ALKBH2: variants seen among roughly 807,000 people sequenced by gnomAD.
ALKBH2 encodes alkB homolog 2, alpha-ketoglutarate dependent dioxygenase, also known as DNA oxidative demethylase ALKBH2.
Under a neutral mutation model 19.7 loss-of-function variants are expected in ALKBH2, and 19 were observed. That is an observed-to-expected ratio of 0.97 (90% confidence interval 0.67 to 1.42). The LOEUF (loss-of-function observed/expected upper bound fraction) is 1.42. ALKBH2 is among the 40% of genes most tolerant of loss of function. The probability of loss-of-function intolerance (pLI) is 0.00; values close to 1 mark genes in which losing one functional copy is unlikely to be tolerated. For missense variants in ALKBH2, 310 were observed against 328.5 expected, an observed-to-expected ratio of 0.94 and a Z score of 0.43; for synonymous variants, 135 against 131.2, an observed-to-expected ratio of 1.03 and a Z score of -0.20.
At chr12:109,092,107 T>G (rs2042069568) in intron 2 of ALKBH2, 1 of 160,338 alleles carries the variant, frequency 6.2e-6, no homozygotes, top group South Asian at 2.0e-4. Flanking sequence ...TCTCAAACCC[T>G]GACTGCCCAT....
chr12:109,090,246 C>T (rs770393762), intron 2 of ALKBH2, 39 bp from the exon 3 acceptor site: 10 of 1,594,856 alleles, frequency 6.3e-6, no homozygotes, highest in Middle Eastern at 3.8e-4. Flanking sequence ...TCTACCTGAC[C>T]CCCATCTAGA....
rs1220916875 is a variant in ALKBH2 at position 109,088,377 on chromosome 12, T to C, written c.615A>G (p.Lys205=). The change falls in exon 4 of 4, where the codon AAA becomes AAG. Residue 205 remains lysine, a synonymous_variant. Transcript: ENST00000429722. This position sits in a 1 kb window ranked among gnomAD's most constrained non-coding sequence, Gnocchi z 4.2. ...CCACCGCCACCCTCCTGGAGGGGCT[T>C]TTCCCACGGGAATCCTTATGCCGGA... is the stretch of plus-strand genomic sequence containing the variant. ...FVFRHKDSRG[K]SPSRRVAVVR... 4 of 1,613,764 alleles carry C rather than the reference T, an allele frequency of 2.5e-6. No individual in the cohort carries two copies. Among genetic ancestry groups the C allele is most frequent in the Admixed American group, 1.7e-5 (1 of 59,962 alleles).
In ALKBH2 at chr12:109,092,936, T is replaced by C. The variant is rs1219546617; in HGVS notation, c.-150A>G. ...TTTCATTTTAAAGTTTAAAACCATG[T>C]CCTAGAAAGGAAACAGAAGATGTTA... On this transcript the variant is annotated splice_region_variant and 5_prime_UTR_variant, in exon 2 of 4. Transcript: ENST00000429722. The C allele has an allele frequency of 3.5e-6, 5 of 1,444,680 alleles. No individual in the cohort carries two copies. In the Admixed American group the frequency reaches 8.6e-5, roughly 25 times the overall value. The allele number at this position is 1,444,680 out of a possible 1,614,324, so 89.5% of individuals were successfully genotyped here.
At position 109,088,396 on chromosome 12, in the gene ALKBH2, T is replaced by C. The variant is rs150621218; in HGVS notation, c.596A>G (p.His199Arg). ...GGGGCTTTTCCCACGGGAATCCTTA[T>C]GCCGGAAGACAAAGTCTCTGCAGGC... ...FGACRDFVFR[H>R]KDSRGKSPSR... is the part of the protein sequence containing the mutation. Residue 199 changes from histidine to arginine, a missense_variant, in exon 4 of 4, where the codon CAT (histidine) becomes CGT (arginine). His to Arg is a conservative substitution (Grantham distance 29). Coordinates refer to ENST00000429722, the MANE Select transcript of ALKBH2 (RefSeq NM_001145374.2). This position sits in a 1 kb window ranked among gnomAD's most constrained non-coding sequence, Gnocchi z 4.2. 81 of 1,613,642 alleles carry C rather than the reference T, an allele frequency of 5.0e-5. No homozygotes were observed. Among genetic ancestry groups the C allele is most frequent in the Non-Finnish European group, 6.2e-5 (73 of 1,179,978 alleles).
intron 3 of ALKBH2, 60 bp downstream of exon 3, chr12:109,089,949 C>T (rs780175182): frequency 3.8e-5 from 61 of 1,588,046 alleles, no homozygotes; most frequent in Non-Finnish European, 4.8e-5. Context: ...GAACCCTAAA[C>T]ACTTCCTTTT....
Position 109,089,993 on chromosome 12 carries a change from C to T in ALKBH2, c.479+16G>A. 6.2e-7 allele frequency: 1 copy of T among 1,613,446 alleles called. No homozygotes were observed. Among genetic ancestry groups the T allele is most frequent in the Non-Finnish European group, 8.5e-7 (1 of 1,179,402 alleles). ...CAGAAGACTTGTAACATTGAGTCCACTAAACAGGGTGTCACCTGTTGATGA... is the reference window on the plus strand; with the variant it reads ...CAGAAGACTTGTAACATTGAGTCCATTAAACAGGGTGTCACCTGTTGATGA... On this transcript the variant is annotated intron_variant, in intron 3 of 3. Coordinates refer to ENST00000429722, the MANE Select transcript of ALKBH2 (RefSeq NM_001145374.2).
At chr12:109,091,761 G>A (rs1392282885) in intron 2 of ALKBH2, among the ~76,000 whole-genome samples, 2 of 152,190 alleles carry the variant, frequency 1.3e-5, no homozygotes, top group African/African-American at 4.8e-5. Context: ...TATTGGCCAA[G>A]CTGGTCTCGA....
At chr12:109,090,786 C>G (rs1593312633) in intron 2 of ALKBH2, among the ~76,000 whole-genome samples, 1 of 152,184 alleles carries the variant, frequency 6.6e-6, no homozygotes, top group African/African-American at 2.4e-5. Flanking sequence ...AGTGGTCCGC[C>G]CACCTCAGTC....
chr12:109,092,804 G>T lies in ALKBH2; in HGVS notation c.-18C>A, dbSNP rs1566116795. On this transcript the variant is annotated 5_prime_UTR_variant, in exon 2 of 4. Transcript: ENST00000429722. ...CTGTCCATCCTGTCCCCACAGGAAA[G>T]AAGGGACGTCAGTGGCGAGGCCAAG... is the stretch of plus-strand genomic sequence containing the variant. 1.3e-6 allele frequency: 2 copies of T among 1,594,342 alleles called. No homozygotes were observed. Among genetic ancestry groups the T allele is most frequent in the African/African-American group, 2.7e-5 (2 of 74,106 alleles).
At position 109,088,612 on chromosome 12, in the gene ALKBH2, T is replaced by A; in HGVS notation, c.480-100A>T. 8.8e-7 allele frequency: 1 copy of A among 1,134,562 alleles called. No homozygotes were observed. The highest frequency in any genetic ancestry group is 1.6e-5 in the South Asian group (1 of 63,258). 70.3% of individuals were successfully genotyped at this position (1,134,562 alleles called of 1,614,324 possible). On this transcript the variant is annotated intron_variant, in intron 3 of 3. Transcript: ENST00000429722. The surrounding 1 kb of genome is among the most constrained non-coding windows in gnomAD (Gnocchi z 4.2). ...TTCCTCACAGTGTGAAACAGCACTC[T>A]GCATGGCTGTACCTGCCGTTGTTTC...
In ALKBH2 at chr12:109,090,154, G is replaced by A; in HGVS notation, c.334C>T (p.Gln112Ter). 6.2e-7 allele frequency: 1 copy of A among 1,614,000 alleles called. No individual in the cohort carries two copies. Among genetic ancestry groups the A allele is most frequent in the South Asian group, 1.1e-5 (1 of 91,078 alleles). Residue 112 changes from glutamine (Q) to a stop codon, truncating the protein, a stop_gained, in exon 3 of 4, where the codon CAG (glutamine) becomes TAG (stop). Transcript: ENST00000429722. LOFTEE classifies it high-confidence loss of function. ...FGKWHSVPRK[Q>*]ATYGDAGLTY... ...AGCCCAGCGTCGCCATACGTTGCCT[G>A]CTTCCTGGGCACACTGTGCCACTTC...
chr12:109,092,493 A>ACACACC lies in ALKBH2; in HGVS notation c.280+13_280+14insGGTGTG. On this transcript the variant is annotated intron_variant, in intron 2 of 3. Coordinates refer to ENST00000429722, the MANE Select transcript of ALKBH2 (RefSeq NM_001145374.2). Reference sequence around the variant, plus strand: ...TCAATGCACACACACACACACACACACCCCTCTGCTTACCTGTAAAATATT... The same window carrying ACACACC: ...TCAATGCACACACACACACACACACACACACCCCCCTCTGCTTACCTGTAAAATATT... The ACACACC allele has an allele frequency of 6.5e-7, 1 of 1,547,738 alleles. No individual in the cohort carries two copies. The highest frequency in any genetic ancestry group is 8.7e-7 in the Non-Finnish European group (1 of 1,146,470).
rs779823217 is a variant in ALKBH2 at position 109,090,076 on chromosome 12, G to A, written c.412C>T (p.Leu138=). 1 of 1,614,208 alleles carries A rather than the reference G, an allele frequency of 6.2e-7. No individual in the cohort carries two copies. The highest frequency in any genetic ancestry group is 1.7e-5 in the Admixed American group (1 of 60,022). The change falls in exon 3 of 4, where the codon CTA becomes TTA. Residue 138 remains leucine, a synonymous_variant. Coordinates refer to ENST00000429722, the MANE Select transcript of ALKBH2 (RefSeq NM_001145374.2). ...TLSPKPWIPV[L]ERIRDHVSGV... ...GAGACGTGATCCCGGATGCGCTCTAGAACTGGGATCCAGGGCTTTGGAGAC... is the reference window on the plus strand; with the variant it reads ...GAGACGTGATCCCGGATGCGCTCTAAAACTGGGATCCAGGGCTTTGGAGAC...
rs2135855655 is a variant in ALKBH2 at position 109,088,404 on chromosome 12, G to A, written c.588C>T (p.Val196=). The change falls in exon 4 of 4, where the codon GTC becomes GTT. Residue 196 remains valine (V), a synonymous_variant. Coordinates refer to ENST00000429722, the MANE Select transcript of ALKBH2 (RefSeq NM_001145374.2). The surrounding 1 kb of genome is among the most constrained non-coding windows in gnomAD (Gnocchi z 4.2). The part of the protein sequence containing the change: ...SVSFGACRDF[V]FRHKDSRGKS... ...TCCCACGGGAATCCTTATGCCGGAAGACAAAGTCTCTGCAGGCACCGAAGG... is the reference window on the plus strand; with the variant it reads ...TCCCACGGGAATCCTTATGCCGGAAAACAAAGTCTCTGCAGGCACCGAAGG... 2 of 1,613,862 alleles carry A rather than the reference G, an allele frequency of 1.2e-6. No individual in the cohort carries two copies. Among genetic ancestry groups the A allele is most frequent in the East Asian group, 2.2e-5 (1 of 44,878 alleles).
At position 109,090,181 on chromosome 12, in the gene ALKBH2, C is replaced by T. The variant is rs750748555; in HGVS notation, c.307G>A (p.Gly103Arg). ...TTCCTGGGCACACTGTGCCACTTCCCGAATACCTGGACTCTGGCCAGTGCT... is the reference window on the plus strand; with the variant it reads ...TTCCTGGGCACACTGTGCCACTTCCTGAATACCTGGACTCTGGCCAGTGCT... Reference protein sequence around the residue: ...TGALARVQVFGKWHSVPRKQA... With the variant: ...TGALARVQVFRKWHSVPRKQA... The change falls in exon 3 of 4, where the codon GGG becomes AGG. Residue 103 changes from glycine to arginine, a missense_variant. By Grantham distance (125) the Gly-to-Arg change is moderately radical. Transcript: ENST00000429722. 6 of 1,613,820 alleles carry T rather than the reference C, an allele frequency of 3.7e-6. No homozygotes were observed. Among genetic ancestry groups the T allele is most frequent in the African/African-American group, 2.7e-5 (2 of 74,904 alleles).
chr12:109,091,964 A>G (rs951602580), intron 2 of ALKBH2, among the ~76,000 whole-genome samples: 2 of 152,152 alleles, frequency 1.3e-5, no homozygotes, highest in African/African-American at 4.8e-5. Flanking sequence ...CTCCTTAGAA[A>G]CTAAACTAAA....
intron 3 of ALKBH2, 137 bp downstream of exon 3, chr12:109,089,872 G>A (rs2042032966): frequency 3.4e-6 from 3 of 872,976 alleles, no homozygotes; most frequent in Non-Finnish European, 5.3e-6. Flanking sequence ...CCGAGTGCTG[G>A]CGCTATTCCA....
At chr12:109,092,418 G>A in intron 2 of ALKBH2, 89 bp downstream of exon 2, 1 of 1,427,334 alleles carries the variant, frequency 7.0e-7, no homozygotes, top group Admixed American at 2.9e-5. Flanking sequence ...AATGGATCCT[G>A]AGTTCAGATT....
chr12:109,092,262 GGA>G (rs1451980031), intron 2 of ALKBH2: 1 of 468,510 alleles, frequency 2.1e-6, no homozygotes, highest in East Asian at 3.8e-5. Context: ...CAGTAGCCAA[GGA>G]GAGATTCACT....
Sources: allele counts gnomAD v4.1 joint callset (sites outside exome capture counted in the v4.1 genomes callset), GRCh38; gene constraint gnomAD v4.1.1; non-coding constraint Gnocchi (gnomAD v3.1); transcripts MANE v1.5; gene names NCBI Gene and HGNC (gene_info 2026-07-23, HGNC 2026-07-21).